The following CALD1 variants were observed in gnomAD, a reference collection of about 807,000 sequenced individuals.
CALD1 encodes the protein caldesmon.
A neutral mutation model predicts 99.9 loss-of-function variants in CALD1; 33 were observed. The observed-to-expected ratio is 0.33, with a 90% CI of 0.25 to 0.44. The LOEUF is 0.44. Ranked by LOEUF, CALD1 falls within the 20% of genes least tolerant of loss-of-function variation. The probability of loss-of-function intolerance (pLI) is 1.00; values close to 1 mark genes in which losing one functional copy is unlikely to be tolerated. For synonymous variants in CALD1, 310 were observed against 325.0 expected (o/e 0.95, Z 0.50); for missense variants, 861 against 962.1 (o/e 0.89, Z 1.39).
chr7:134,814,490 G>A (rs1244883034), intron 1 of CALD1, among the ~76,000 whole-genome samples: 1 of 152,106 alleles, frequency 6.6e-6, no homozygotes, highest in Non-Finnish European at 1.5e-5. Context: ...TGGTGAGACT[G>A]GGACTGCTGT....
intron 1 of CALD1, among the ~76,000 whole-genome samples, chr7:134,837,879 G>T (rs941503613): frequency 6.6e-6 from 1 of 152,170 alleles, no homozygotes. Context: ...CTTTGTTAAA[G>T]AGCTTCTCTT....
intron 6 of CALD1, among the ~76,000 whole-genome samples, chr7:134,936,139 T>C (rs923088694): frequency 6.6e-6 from 1 of 152,250 alleles, no homozygotes; most frequent in Non-Finnish European, 1.5e-5. Flanking sequence ...TGAGCCATTC[T>C]ACTTTCATTT....
intron 3 of CALD1, among the ~76,000 whole-genome samples, chr7:134,906,505 T>C (rs553692899): frequency 7.9e-5 from 12 of 152,356 alleles, no homozygotes; most frequent in African/African-American, 2.9e-4. Context: ...TTGTAAGTCC[T>C]GCACAAATGC....
intron 1 of CALD1, among the ~76,000 whole-genome samples, chr7:134,759,809 G>A (rs1458086821): frequency 6.6e-6 from 1 of 152,218 alleles, no homozygotes; most frequent in Non-Finnish European, 1.5e-5. Flanking sequence ...TTCTCATGAA[G>A]GGTGGAGGAA....
At chr7:134,948,570 T>C (rs1195688722) in intron 8 of CALD1, among the ~76,000 whole-genome samples, 2 of 152,194 alleles carry the variant, frequency 1.3e-5, no homozygotes, top group African/African-American at 4.8e-5. Flanking sequence ...GAGTGACTTA[T>C]TTGAAGATTC....
At chr7:134,957,712 C>T (rs907739879) in intron 9 of CALD1, among the ~76,000 whole-genome samples, 5 of 152,188 alleles carry the variant, frequency 3.3e-5, no homozygotes, top group Non-Finnish European at 7.4e-5. Context: ...TGAGCCTCAG[C>T]GCTCAGCCAA....
At chr7:134,901,759 C>G (rs1178942967) in intron 3 of CALD1, among the ~76,000 whole-genome samples, 1 of 151,778 alleles carries the variant, frequency 6.6e-6, no homozygotes, top group Non-Finnish European at 1.5e-5. Context: ...CTTAGGCCAT[C>G]GTAACTCCAG....
At chr7:134,804,677 T>G (rs566085991) in intron 1 of CALD1, among the ~76,000 whole-genome samples, 26 of 152,378 alleles carry the variant, frequency 1.7e-4, no homozygotes, top group Non-Finnish European at 3.2e-4. Flanking sequence ...ACAACATTTC[T>G]TAGAACTTAA....
At chr7:134,812,961 G>A (rs1222378102) in intron 1 of CALD1, among the ~76,000 whole-genome samples, 1 of 152,156 alleles carries the variant, frequency 6.6e-6, no homozygotes, top group Non-Finnish European at 1.5e-5. Flanking sequence ...GACCAGCAAA[G>A]GAGACTGAGA....
chr7:134,876,617 C>A (rs1268333286), intron 3 of CALD1, among the ~76,000 whole-genome samples: 1 of 152,132 alleles, frequency 6.6e-6, no homozygotes, highest in East Asian at 1.9e-4. Flanking sequence ...GCGTCTTTGT[C>A]AACAAGGACA....
upstream of CALD1, among the ~76,000 whole-genome samples, chr7:134,740,573 G>GCAT (rs1796584247): frequency 6.6e-6 from 1 of 152,158 alleles, no homozygotes; most frequent in Non-Finnish European, 1.5e-5. Context: ...ATTAATGGAA[G>GCAT]CATTGTGTGA....
chr7:134,871,417 T>C (rs1025505965), intron 3 of CALD1, among the ~76,000 whole-genome samples: 1 of 152,182 alleles, frequency 6.6e-6, no homozygotes, highest in Non-Finnish European at 1.5e-5. Flanking sequence ...ATTTACTTAC[T>C]CTCAACACAT....
chr7:134,958,887 A>ATATATATATATATATTTAAC (rs1554479105), intron 11 of CALD1, among the ~76,000 whole-genome samples: 33 of 96,234 alleles, frequency 3.4e-4, no homozygotes, highest in East Asian at 5.1e-4. Context: ...ATATATATAT[A>ATATATATATATATATTTAAC]TATATATATA....
In CALD1 at chr7:134,933,376, A is replaced by T; in HGVS notation, c.607A>T (p.Ile203Phe). ...EEEEKPKRGS[I>F]GENQVEVMVE... ...AGAGGAGAAGCCAAAGCGAGGGAGC[A>T]TTGGAGAAAATCAGGTAGAGGTGAT... is the stretch of plus-strand genomic sequence containing the variant. The change falls in exon 5 of 15, where the codon ATT becomes TTT. Residue 203 changes from isoleucine to phenylalanine, a missense_variant. Around this residue, in one of 5 missense-constraint regions of CALD1, gnomAD observed 234 missense variants for 233.1 expected, o/e 1.00. Coordinates refer to ENST00000361675, the MANE Select transcript of CALD1 (RefSeq NM_033138.4). 1 of 1,610,498 alleles carries T rather than the reference A, an allele frequency of 6.2e-7. No individual in the cohort carries two copies. The highest frequency in any genetic ancestry group is 1.1e-5 in the South Asian group (1 of 90,402).
chr7:134,840,570 A>T (rs1047842671), intron 1 of CALD1, among the ~76,000 whole-genome samples: 1 of 152,238 alleles, frequency 6.6e-6, no homozygotes, highest in Non-Finnish European at 1.5e-5. Context: ...TACCTACGTC[A>T]GTCTAGCTAC....
intron 1 of CALD1, among the ~76,000 whole-genome samples, chr7:134,827,656 T>C (rs1401389369): frequency 6.6e-6 from 1 of 152,170 alleles, no homozygotes; most frequent in Non-Finnish European, 1.5e-5. Flanking sequence ...GAGGACCATA[T>C]CACATCACAT....
intron 2 of CALD1, chr7:134,844,217 T>C (rs947565367): frequency 6.6e-6 from 1 of 152,078 alleles, no homozygotes; most frequent in Non-Finnish European, 1.5e-5. Flanking sequence ...TATTTTTAAA[T>C]GTTTCCTGCA....
At chr7:134,825,798 G>A (rs7790281) in intron 1 of CALD1, among the ~76,000 whole-genome samples, 2,895 of 152,142 alleles carry the variant, frequency 0.019, 94 homozygotes, top group African/African-American at 0.066. Flanking sequence ...TTTAGACCCA[G>A]GGGTCAGAGC....
intron 3 of CALD1, among the ~76,000 whole-genome samples, chr7:134,904,845 C>A (rs867711487): frequency 9.9e-5 from 15 of 152,120 alleles, no homozygotes; most frequent in East Asian, 3.9e-4. Flanking sequence ...CACTAGGACA[C>A]ATGCCTTTTC....
Sources: gnomAD v4.1 joint callset for allele counts (sites outside exome capture counted in the v4.1 genomes callset) on GRCh38, gnomAD v4.1.1 for gene constraint, gnomAD v4.1.1 regional missense constraint, MANE v1.5 for transcripts, NCBI Gene and HGNC (gene_info 2026-07-23, HGNC 2026-07-21) for gene names.